The following TEAD1 variants were observed in gnomAD, a reference collection of about 807,000 sequenced individuals.
TEAD1 encodes the protein TEA domain transcription factor 1, also known as transcriptional enhancer factor TEF-1.
In TEAD1, 9 loss-of-function variants were observed where a neutral mutation model predicts 54.9. The observed-to-expected ratio is 0.16, with a 90% CI of 0.10 to 0.29. TEAD1 has a LOEUF of 0.29. Ranked by LOEUF, TEAD1 falls within the 10% of genes least tolerant of loss-of-function variation. The pLI, the probability that TEAD1 is intolerant of heterozygous loss-of-function variation, is 1.00. For missense variants in TEAD1, 387 were observed against 535.9 expected (o/e 0.72, Z 2.74); for synonymous variants, 200 against 187.8 (o/e 1.07, Z -0.53).
chr11:12,743,530 G>C lies in TEAD1; in HGVS notation c.-54-20649G>C, dbSNP rs59349400. ...TCTTAAGATTATGGAGTTCATCTTT[G>C]TCCAGCCCATCTCACTATGCTTTGT... is the stretch of plus-strand genomic sequence containing the variant. On this transcript the variant is annotated intron_variant, in intron 2 of 12. Transcript: ENST00000527636. Among the ~76,000 whole-genome samples the C allele has an allele frequency of 1.2e-4, 18 of 152,290 alleles. 1 individual carries two copies. The East Asian group carries it at 3.5e-3, about 29-fold the overall frequency.
intron 2 of TEAD1, among the ~76,000 whole-genome samples, chr11:12,705,974 A>G (rs904957961): frequency 3.3e-5 from 5 of 152,202 alleles, no homozygotes; most frequent in African/African-American, 7.2e-5. Context: ...GTCTTGCTCA[A>G]TTTTAAAGTA....
chr11:12,674,556 G>C lies in TEAD1; in HGVS notation c.-486G>C, dbSNP rs1943033840. 6.6e-6 allele frequency: 1 copy of C among 150,962 alleles called. No individual in the cohort carries two copies. The highest frequency in any genetic ancestry group is 2.4e-5 in the African/African-American group (1 of 41,254). 9.4% of individuals were successfully genotyped at this position (150,962 alleles called of 1,614,324 possible). ...CTTTGCAGACTCGCTTCCACCCTGC[G>C]GGCCATTCCGCGCGGCGGGGCCCGG... On this transcript the variant is annotated 5_prime_UTR_variant, in exon 1 of 13. Coordinates refer to ENST00000527636, the MANE Select transcript of TEAD1 (RefSeq NM_021961.6).
At chr11:12,924,073 G>A (rs779965965) in intron 10 of TEAD1, among the ~76,000 whole-genome samples, 14 of 151,990 alleles carry the variant, frequency 9.2e-5, no homozygotes, top group Non-Finnish European at 1.8e-4. Flanking sequence ...TGTCTTCTTC[G>A]CCCCCATAAC....
At chr11:12,783,133 T>TGC (rs1554933039) in intron 3 of TEAD1, among the ~76,000 whole-genome samples, 1,831 of 145,552 alleles carry the variant, frequency 0.013, 22 homozygotes, top group Middle Eastern at 0.027. Context: ...TGTGTGTGTG[T>TGC]GCGCGCACTT....
intron 3 of TEAD1, among the ~76,000 whole-genome samples, chr11:12,808,477 T>TTTTTTG (rs200165981): frequency 0.014 from 2,112 of 152,272 alleles, 27 homozygotes; most frequent in Non-Finnish European, 0.021. Flanking sequence ...AAGCCTCAGT[T>TTTTTTG]TTTTTGTTTT....
chr11:12,693,338 G>A (rs941325625), intron 2 of TEAD1, among the ~76,000 whole-genome samples: 1 of 152,174 alleles, frequency 6.6e-6, no homozygotes, highest in Non-Finnish European at 1.5e-5. Context: ...GTTCCAATGC[G>A]AGTCCTTTAT....
chr11:12,793,219 G>A (rs987948579), intron 3 of TEAD1, among the ~76,000 whole-genome samples: 1 of 151,662 alleles, frequency 6.6e-6, no homozygotes, highest in African/African-American at 2.4e-5. Context: ...TACAGTGAAT[G>A]TCCTTGAGTG....
rs569295421 is a variant in TEAD1, at chr11:12,767,475, C to T, written c.202+3041C>T. Among the ~76,000 whole-genome samples the T allele has an allele frequency of 1.8e-4, 27 of 152,122 alleles. 1 individual carries two copies. The highest frequency in any genetic ancestry group is 3.7e-4 in the Non-Finnish European group (25 of 68,022). On this transcript the variant is annotated intron_variant, in intron 3 of 12. Coordinates refer to ENST00000527636, the MANE Select transcript of TEAD1 (RefSeq NM_021961.6). ...AATATTTCAGAGCATTTGTAGAGTG[C>T]TTTGTGATGTCACTAATCCTGAGCC...
chr11:12,762,322 T>C (rs1189846667), intron 2 of TEAD1, among the ~76,000 whole-genome samples: 2 of 152,186 alleles, frequency 1.3e-5, no homozygotes, highest in Admixed American at 1.3e-4. Flanking sequence ...TAAACTACTT[T>C]GGAGCGAGAA....
intron 9 of TEAD1, among the ~76,000 whole-genome samples, chr11:12,895,207 C>CCT (rs59801073): frequency 1.3e-5 from 2 of 152,238 alleles, no homozygotes; most frequent in African/African-American, 4.8e-5. Context: ...TAACCCCCCC[C>CCT]GGGTATCTCA....
chr11:12,815,515 G>A (rs1042501477), intron 3 of TEAD1, among the ~76,000 whole-genome samples: 3 of 152,318 alleles, frequency 2.0e-5, no homozygotes, highest in Non-Finnish European at 2.9e-5. Flanking sequence ...GCAAAACACA[G>A]TGTGTAACCA....
At chr11:12,676,543 A>G (rs865837723) in intron 2 of TEAD1, among the ~76,000 whole-genome samples, 18 of 152,352 alleles carry the variant, frequency 1.2e-4, no homozygotes, top group Admixed American at 4.6e-4. Context: ...TTCGGGTCCA[A>G]GCATATCTGA....
intron 3 of TEAD1, among the ~76,000 whole-genome samples, chr11:12,813,363 A>ACC (rs1461367892): frequency 1.3e-5 from 2 of 152,210 alleles, no homozygotes; most frequent in African/African-American, 4.8e-5. Context: ...GAGCCAAATT[A>ACC]GGGGATCGCC....
At chr11:12,719,949 G>GTTTTTT (rs1200965763) in intron 2 of TEAD1, among the ~76,000 whole-genome samples, 2 of 40,004 alleles carry the variant, frequency 5.0e-5, no homozygotes, top group Non-Finnish European at 1.3e-4. Flanking sequence ...GAAATCTAAT[G>GTTTTTT]TTTTTTTTTT....
At chr11:12,909,617 C>T (rs868622859) in intron 10 of TEAD1, among the ~76,000 whole-genome samples, 6 of 152,194 alleles carry the variant, frequency 3.9e-5, no homozygotes, top group Middle Eastern at 6.8e-3. Context: ...CAAACCAGCA[C>T]GTTCTGCACA....
At chr11:12,883,660 C>T (rs746188029) in intron 9 of TEAD1, among the ~76,000 whole-genome samples, 3 of 152,162 alleles carry the variant, frequency 2.0e-5, no homozygotes, top group Admixed American at 6.5e-5. Flanking sequence ...TTATTCCATA[C>T]TCTCTTTCCA....
At chr11:12,780,752 C>G (rs1479518652) in intron 3 of TEAD1, among the ~76,000 whole-genome samples, 1 of 152,182 alleles carries the variant, frequency 6.6e-6, no homozygotes, top group Admixed American at 6.5e-5. Flanking sequence ...GGTTGGAAGA[C>G]TTAACATTGC....
chr11:12,876,200 G>A (rs1345154884), intron 5 of TEAD1, among the ~76,000 whole-genome samples: 1 of 152,150 alleles, frequency 6.6e-6, no homozygotes, highest in Non-Finnish European at 1.5e-5. Flanking sequence ...ATCATGTTCT[G>A]AAGCTGTGTG....
intron 2 of TEAD1, among the ~76,000 whole-genome samples, chr11:12,751,202 T>C (rs1460790127): frequency 6.7e-6 from 1 of 149,908 alleles, no homozygotes; most frequent in Non-Finnish European, 1.5e-5. Context: ...CTTGGGAGGC[T>C]GAGGCAGGAG....
Sources: gnomAD v4.1 joint callset for allele counts (sites outside exome capture counted in the v4.1 genomes callset) on GRCh38, gnomAD v4.1.1 for gene constraint, MANE v1.5 for transcripts, NCBI Gene and HGNC (gene_info 2026-07-23, HGNC 2026-07-21) for gene names.